RPTOR: variants seen among roughly 807,000 people sequenced by gnomAD.
RPTOR encodes regulatory associated protein of MTOR complex 1, also known as regulatory-associated protein of mTOR.
In RPTOR, 21 loss-of-function variants were observed where a neutral mutation model predicts 169.9. That is an observed-to-expected ratio of 0.12 (90% CI 0.09 to 0.18). RPTOR has a LOEUF of 0.18. Ranked by LOEUF, RPTOR falls within the 10% of genes least tolerant of loss-of-function variation. The pLI, the probability that RPTOR is intolerant of heterozygous loss-of-function variation, is 1.00. For missense variants in RPTOR, 1,133 were observed against 1,855.9 expected (o/e 0.61, Z 7.16); for synonymous variants, 732 against 753.2 (o/e 0.97, Z 0.46).
intron 20 of RPTOR, among the ~76,000 whole-genome samples, chr17:80,899,699 G>A (rs1032579289): frequency 2.0e-5 from 3 of 152,244 alleles, no homozygotes; most frequent in East Asian, 1.9e-4. Context: ...GCCAGAGACC[G>A]CGTGTAGGTG....
At chr17:80,697,617 G>A (rs571535809) in intron 3 of RPTOR, among the ~76,000 whole-genome samples, 36 of 152,322 alleles carry the variant, frequency 2.4e-4, no homozygotes, top group African/African-American at 7.9e-4. Flanking sequence ...CCACGTCAGG[G>A]ACTTGGGAAC....
chr17:80,912,559 A>G lies in RPTOR; in HGVS notation c.2520+3630A>G, dbSNP rs1206302798. 2.6e-5 allele frequency among the ~76,000 whole-genome samples: 4 copies of G among 152,172 alleles called. No individual in the cohort carries two copies. The East Asian group carries it at 5.8e-4, about 22-fold the overall frequency. On this transcript the variant is annotated intron_variant, in intron 21 of 33. Transcript: ENST00000306801. Reference sequence around the variant, plus strand: ...CTGTGGACCTGGCCTCCAGTTGTTAAATAGCTCCTCTTGGGAAGCTCTCGA... The same window carrying G: ...CTGTGGACCTGGCCTCCAGTTGTTAGATAGCTCCTCTTGGGAAGCTCTCGA...
At position 80,957,664 on chromosome 17, in the gene RPTOR, C is replaced by A. The variant is rs201407240; in HGVS notation, c.3411C>A (p.Leu1137=). 1.4e-5 allele frequency: 23 copies of A among 1,614,074 alleles called. No homozygotes were observed. The highest frequency in any genetic ancestry group is 1.9e-5 in the Non-Finnish European group (22 of 1,180,048). ...MVVDWEQETG[L]LMSSGDVRIV... ...TGGACTGGGAGCAGGAGACCGGCCT[C>A]CTCATGAGCTCAGGAGACGTGCGGA... The change falls in exon 29 of 34, where the codon CTC becomes CTA. Residue 1137 remains leucine (L), a synonymous_variant. Coordinates refer to ENST00000306801, the MANE Select transcript of RPTOR (RefSeq NM_020761.3). The surrounding 1 kb of genome is among the most constrained non-coding windows in gnomAD (Gnocchi z 4.6).
intron 5 of RPTOR, among the ~76,000 whole-genome samples, chr17:80,741,796 G>A (rs1341973234): frequency 7.9e-5 from 12 of 152,174 alleles, no homozygotes; most frequent in Non-Finnish European, 2.9e-5. Context: ...CATGTGGTTC[G>A]TGTGGCTGGA....
At chr17:80,915,318 A>T in intron 21 of RPTOR, among the ~76,000 whole-genome samples, 3 of 16,498 alleles carry the variant, frequency 1.8e-4, no homozygotes, top group South Asian at 1.9e-3. Flanking sequence ...AGCAGACGTC[A>T]GGAAAACCAG....
intron 3 of RPTOR, among the ~76,000 whole-genome samples, chr17:80,683,389 C>T (rs2143713196): frequency 6.6e-6 from 1 of 152,268 alleles, no homozygotes; most frequent in South Asian, 2.1e-4. Context: ...GTGCTGATGG[C>T]ATTTTGTCCC....
chr17:80,941,451 A>C (rs891134200), intron 25 of RPTOR: 18 of 152,466 alleles, frequency 1.2e-4, no homozygotes, highest in African/African-American at 4.3e-4. Flanking sequence ...CCCAGGATCC[A>C]GGAGAGTACA....
At chr17:80,745,860 G>A (rs1033367295) in intron 5 of RPTOR, among the ~76,000 whole-genome samples, 3 of 152,170 alleles carry the variant, frequency 2.0e-5, no homozygotes, top group East Asian at 1.9e-4. Context: ...CAGTGTTGAC[G>A]TTTTATTTAG....
intron 7 of RPTOR, 105 bp downstream of exon 7, chr17:80,791,614 T>G: frequency 2.2e-6 from 2 of 911,584 alleles, no homozygotes; most frequent in Non-Finnish European, 3.3e-6. Flanking sequence ...ACATGGCATG[T>G]TCCCTTTCAT....
In RPTOR at chr17:80,964,945, G is replaced by A. The variant is rs561325066; in HGVS notation, c.*615G>A. 8 of 233,494 alleles carry A rather than the reference G, an allele frequency of 3.4e-5. No homozygotes were observed. Among genetic ancestry groups the A allele is most frequent in the East Asian group, 6.0e-5 (1 of 16,576 alleles). The allele number at this position is 233,494 out of a possible 1,614,324, so 14.5% of individuals were successfully genotyped here. On this transcript the variant is annotated 3_prime_UTR_variant, in exon 34 of 34. Coordinates refer to ENST00000306801, the MANE Select transcript of RPTOR (RefSeq NM_020761.3). ...TGTGAAGGAAGCCGCCCAGGGGTCCGGGCTGTCCTTGGCCGCTGGCAGCAT... is the reference window on the plus strand; with the variant it reads ...TGTGAAGGAAGCCGCCCAGGGGTCCAGGCTGTCCTTGGCCGCTGGCAGCAT...
intron 22 of RPTOR, among the ~76,000 whole-genome samples, 183 bp from the exon 23 acceptor site, chr17:80,923,307 A>G (rs2068769728): frequency 6.6e-6 from 1 of 152,216 alleles, no homozygotes. Flanking sequence ...GCAACCGAGC[A>G]GCATGGACTC....
intron 11 of RPTOR, among the ~76,000 whole-genome samples, chr17:80,854,016 G>GA (rs1427445858): frequency 6.6e-6 from 1 of 151,358 alleles, no homozygotes. Flanking sequence ...TAATATAACA[G>GA]AAAAAGTATG....
At chr17:80,570,170 C>T (rs1266149067) in intron 1 of RPTOR, among the ~76,000 whole-genome samples, 2 of 152,152 alleles carry the variant, frequency 1.3e-5, no homozygotes, top group South Asian at 2.1e-4. Flanking sequence ...CAGAAAGCTC[C>T]TGTGTCACGG....
At chr17:80,853,330 C>T (rs2067815057) in intron 11 of RPTOR, among the ~76,000 whole-genome samples, 2 of 152,356 alleles carry the variant, frequency 1.3e-5, no homozygotes, top group African/African-American at 4.8e-5. Flanking sequence ...CTCATGTCAC[C>T]TCCAGGACCC....
At chr17:80,919,903 G>A (rs749226466) in intron 21 of RPTOR, among the ~76,000 whole-genome samples, 4 of 152,240 alleles carry the variant, frequency 2.6e-5, no homozygotes, top group Admixed American at 6.5e-5. Flanking sequence ...TGCAGGCTGC[G>A]AGTGAGCCGG....
chr17:80,870,313 G>C (rs1251166895), intron 13 of RPTOR, among the ~76,000 whole-genome samples: 1 of 152,198 alleles, frequency 6.6e-6, no homozygotes, highest in Non-Finnish European at 1.5e-5. Context: ...GTCCCCGGAA[G>C]GAACCCGCAC....
Position 80,923,533 on chromosome 17 carries a change from A to T in RPTOR, c.2668A>T (p.Asn890Tyr). ...CAGCACCAGCAGCTCCAGCCTGACC[A>T]ACGATGTGGCCAAGCAGCCGGTCAG... is the stretch of plus-strand genomic sequence containing the variant. The part of the protein sequence containing the change: ...ASSTSSSSLT[N>Y]DVAKQPVSRD... Residue 890 changes from asparagine to tyrosine, a missense_variant, in exon 23 of 34, where the codon AAC (asparagine) becomes TAC (tyrosine). Asn to Tyr is a moderately radical substitution (Grantham distance 143). Transcript: ENST00000306801. 1 of 1,613,304 alleles carries T rather than the reference A, an allele frequency of 6.2e-7. No homozygotes were observed. Among genetic ancestry groups the T allele is most frequent in the Middle Eastern group, 1.6e-4 (1 of 6,062 alleles).
At chr17:80,611,476 A>G (rs2065270409) in intron 1 of RPTOR, among the ~76,000 whole-genome samples, 1 of 152,106 alleles carries the variant, frequency 6.6e-6, no homozygotes, top group Non-Finnish European at 1.5e-5. Flanking sequence ...CATGTTGGCC[A>G]GGCTGGTCTT....
chr17:80,589,777 G>T (rs1337658476), intron 1 of RPTOR, among the ~76,000 whole-genome samples: 1 of 152,056 alleles, frequency 6.6e-6, no homozygotes, highest in African/African-American at 2.4e-5. Flanking sequence ...TTTGTATCCA[G>T]CAACCTTACA....
Sources: allele counts gnomAD v4.1 joint callset (sites outside exome capture counted in the v4.1 genomes callset), GRCh38; gene constraint gnomAD v4.1.1; non-coding constraint Gnocchi (gnomAD v3.1); transcripts MANE v1.5; gene names NCBI Gene and HGNC (gene_info 2026-07-23, HGNC 2026-07-21).